Variants in PITPNB observed in about 807,000 individuals in gnomAD.
The protein encoded by PITPNB is phosphatidylinositol transfer protein beta isoform.
PITPNB carries 16 observed loss-of-function variants against 45.9 expected under a neutral mutation model. The ratio of observed to expected loss-of-function variants is 0.35; its 90% confidence interval spans 0.24 to 0.53. PITPNB has a LOEUF of 0.53. PITPNB is among the 20% of genes least tolerant of loss of function. The pLI is 0.93. For synonymous variants in PITPNB, 112 were observed against 108.9 expected (o/e 1.03, Z -0.18); for missense variants, 188 against 330.5 (o/e 0.57, Z 3.34).
intron 7 of PITPNB, among the ~76,000 whole-genome samples, chr22:27,888,102 T>C (rs774076617): frequency 1.3e-5 from 2 of 152,222 alleles, no homozygotes; most frequent in Non-Finnish European, 2.9e-5. Flanking sequence ...TTTTCTCCCT[T>C]TTAATATAAC....
chr22:27,893,385 T>C (rs1454699657), intron 7 of PITPNB, among the ~76,000 whole-genome samples: 1 of 150,474 alleles, frequency 6.6e-6, no homozygotes, highest in East Asian at 2.0e-4. Flanking sequence ...CCCGGGCTCA[T>C]GCCACTCTCC....
intron 3 of PITPNB, among the ~76,000 whole-genome samples, chr22:27,908,990 A>C (rs1935841027): frequency 6.6e-6 from 1 of 152,172 alleles, no homozygotes; most frequent in South Asian, 2.1e-4. Context: ...GGTCACTGTA[A>C]ATCAAGTAGC....
chr22:27,890,921 T>C (rs990028468), intron 7 of PITPNB, among the ~76,000 whole-genome samples: 2 of 152,212 alleles, frequency 1.3e-5, no homozygotes, highest in Admixed American at 1.3e-4. Context: ...TGACACACAC[T>C]ACGAAGATGA....
chr22:27,912,164 G>A (rs1342809689), intron 2 of PITPNB, among the ~76,000 whole-genome samples: 1 of 151,990 alleles, frequency 6.6e-6, no homozygotes, highest in Admixed American at 6.6e-5. Flanking sequence ...TTTATGTGAG[G>A]GACCAAAACA....
chr22:27,898,035 T>C lies in PITPNB; in HGVS notation c.198-143A>G, dbSNP rs1231183567. 9.6e-6 allele frequency: 6 copies of C among 626,408 alleles called. No individual in the cohort carries two copies. The Middle Eastern group carries it at 1.4e-3, about 145-fold the overall frequency. The allele number at this position is 626,408 out of a possible 1,614,324, so 38.8% of individuals were successfully genotyped here. A position where few individuals can be genotyped will look rare whatever the true frequency, so the allele number is the denominator to read the frequency against. On this transcript the variant is annotated intron_variant, in intron 3 of 11. Transcript: ENST00000335272. ...CTAGTTTATTTCAATCCTAAAGTAA[T>C]CCAGTAGAAATGAACACATAATTTT...
intron 7 of PITPNB, among the ~76,000 whole-genome samples, chr22:27,886,850 C>CT (rs1287549279): frequency 6.6e-6 from 1 of 152,064 alleles, no homozygotes; most frequent in East Asian, 1.9e-4. Context: ...TTTTTAAAAG[C>CT]AAGTAATATG....
chr22:27,857,263 A>T (rs1241677468), intron 10 of PITPNB, among the ~76,000 whole-genome samples: 3 of 152,210 alleles, frequency 2.0e-5, no homozygotes, highest in African/African-American at 7.2e-5. Context: ...TTTGGAACAA[A>T]ATCCATTCAT....
intron 8 of PITPNB, among the ~76,000 whole-genome samples, chr22:27,869,211 T>C (rs974138138): frequency 1.3e-5 from 2 of 152,188 alleles, no homozygotes; most frequent in Non-Finnish European, 2.9e-5. Context: ...CCTATTACTA[T>C]GCACACAGTC....
intron 3 of PITPNB, among the ~76,000 whole-genome samples, chr22:27,906,904 G>A (rs1935778225): frequency 6.6e-6 from 1 of 152,260 alleles, no homozygotes; most frequent in South Asian, 2.1e-4. Context: ...TCAACCTTCT[G>A]GTTGAGATTA....
chr22:27,915,907 A>C (rs79348107), intron 1 of PITPNB, among the ~76,000 whole-genome samples: 51 of 152,172 alleles, frequency 3.4e-4, no homozygotes, highest in Non-Finnish European at 8.8e-5. Context: ...CCAAGAGGTA[A>C]GTGACAACTA....
In PITPNB at chr22:27,890,417, C is replaced by T. The variant is rs529259693; in HGVS notation, c.456+4138G>A. Among the ~76,000 whole-genome samples, 8 of 152,132 alleles carry T rather than the reference C, an allele frequency of 5.3e-5. No individual in the cohort carries two copies. In the South Asian group the frequency reaches 1.5e-3, roughly 28 times the overall value. Reference sequence around the variant, plus strand: ...TTACGTAACAGTTCTTTAATTATCCCCCAAGACAGCACATTAGACGAAAAG... The same window carrying T: ...TTACGTAACAGTTCTTTAATTATCCTCCAAGACAGCACATTAGACGAAAAG... On this transcript the variant is annotated intron_variant, in intron 7 of 11. Transcript: ENST00000335272.
intron 3 of PITPNB, among the ~76,000 whole-genome samples, chr22:27,903,461 C>T (rs964341706): frequency 3.0e-5 from 4 of 131,376 alleles, no homozygotes; most frequent in Non-Finnish European, 4.7e-5. Context: ...AAGAGTGAAA[C>T]TGTCTCAAAA....
intron 7 of PITPNB, among the ~76,000 whole-genome samples, chr22:27,878,741 A>G (rs181710929): frequency 6.6e-6 from 1 of 152,360 alleles, no homozygotes; most frequent in Admixed American, 6.5e-5. Flanking sequence ...AGTGTTTTAG[A>G]GCAATTCAGA....
chr22:27,896,352 T>C (rs1400060626), intron 6 of PITPNB, among the ~76,000 whole-genome samples, 200 bp downstream of exon 6: 2 of 152,218 alleles, frequency 1.3e-5, no homozygotes, highest in African/African-American at 4.8e-5. Context: ...AAACAGCAAC[T>C]TTACCAAAGT....
intron 7 of PITPNB, among the ~76,000 whole-genome samples, chr22:27,888,348 C>T (rs1935182844): frequency 6.6e-6 from 1 of 152,214 alleles, no homozygotes; most frequent in South Asian, 2.1e-4. Flanking sequence ...TTCCTAGAAG[C>T]AGAATTTTGC....
intron 1 of PITPNB, among the ~76,000 whole-genome samples, chr22:27,915,351 T>C (rs1387601049): frequency 6.6e-6 from 1 of 152,166 alleles, no homozygotes; most frequent in East Asian, 1.9e-4. Flanking sequence ...GTAAGAGTCA[T>C]TTAGCTTATT....
chr22:27,877,695 T>A (rs996526614), intron 7 of PITPNB, among the ~76,000 whole-genome samples: 2 of 152,228 alleles, frequency 1.3e-5, no homozygotes, highest in African/African-American at 4.8e-5. Flanking sequence ...CTGTCTGTGC[T>A]GAGCCAAACT....
At chr22:27,883,693 TAA>T (rs1175390690) in intron 7 of PITPNB, among the ~76,000 whole-genome samples, 1 of 152,180 alleles carries the variant, frequency 6.6e-6, no homozygotes, top group African/African-American at 2.4e-5. Flanking sequence ...TGAAGTTAGC[TAA>T]AAATGCTCCC....
intron 3 of PITPNB, among the ~76,000 whole-genome samples, chr22:27,908,639 T>A (rs1429017663): frequency 6.6e-6 from 1 of 152,110 alleles, no homozygotes; most frequent in Non-Finnish European, 1.5e-5. Context: ...TATACTTCAA[T>A]TAACAGGTAA....
Sources: allele counts gnomAD v4.1 joint callset (sites outside exome capture counted in the v4.1 genomes callset), GRCh38; gene constraint gnomAD v4.1.1; transcripts MANE v1.5; gene names NCBI Gene and HGNC (gene_info 2026-07-23, HGNC 2026-07-21).